The following NRF1 variants were observed in gnomAD, a reference collection of about 807,000 sequenced individuals.
NRF1 encodes nuclear respiratory factor 1.
NRF1 carries 5 observed loss-of-function variants against 58.5 expected under a neutral mutation model. The ratio of observed to expected loss-of-function variants is 0.09; its 90% confidence interval spans 0.04 to 0.18. The LOEUF (loss-of-function observed/expected upper bound fraction) is 0.18, where lower values mean the gene tolerates loss of function less well. NRF1 is among the 10% of genes least tolerant of loss of function. The probability of loss-of-function intolerance (pLI) is 1.00; values close to 1 mark genes in which losing one functional copy is unlikely to be tolerated. For missense variants in NRF1, 288 were observed against 657.7 expected, an observed-to-expected ratio of 0.44 and a Z score of 6.15; for synonymous variants, 224 against 246.7, an observed-to-expected ratio of 0.91 and a Z score of 0.86.
At chr7:129,641,943 T>G (rs1008421634) in intron 1 of NRF1, 11 of 152,208 alleles carry the variant, frequency 7.2e-5, no homozygotes, top group Admixed American at 4.6e-4. Flanking sequence ...CCTCCCAAAG[T>G]GCTGAGATTA....
chr7:129,621,781 A>ATTT (rs11286994), intron 1 of NRF1, among the ~76,000 whole-genome samples: 2 of 128,646 alleles, frequency 1.6e-5, no homozygotes, highest in Non-Finnish European at 3.3e-5. Flanking sequence ...TCTCCATAGA[A>ATTT]TTTTTTTTTT....
intron 4 of NRF1, among the ~76,000 whole-genome samples, chr7:129,684,497 C>T (rs1802401461): frequency 6.6e-6 from 1 of 152,074 alleles, no homozygotes; most frequent in African/African-American, 2.4e-5. Context: ...TAAACATATA[C>T]AAAATTGGAA....
chr7:129,648,713 A>G (rs965020724), intron 1 of NRF1, among the ~76,000 whole-genome samples: 3 of 152,000 alleles, frequency 2.0e-5, no homozygotes, highest in African/African-American at 7.2e-5. Flanking sequence ...CCATGTAAGG[A>G]TAGGATATTA....
intron 10 of NRF1, among the ~76,000 whole-genome samples, chr7:129,752,394 G>C (rs1033338057): frequency 2.0e-5 from 3 of 152,180 alleles, no homozygotes; most frequent in Non-Finnish European, 2.9e-5. Flanking sequence ...AGAGGACAGG[G>C]CACCTGTGAG....
At chr7:129,751,348 AAGG>A (rs1284253257) in intron 10 of NRF1, among the ~76,000 whole-genome samples, 1 of 152,258 alleles carries the variant, frequency 6.6e-6, no homozygotes, top group African/African-American at 2.4e-5. Context: ...AAGAACTGTG[AAGG>A]AGAACAGCAA....
At chr7:129,651,144 G>T (rs376702243) in intron 1 of NRF1, among the ~76,000 whole-genome samples, 3 of 151,924 alleles carry the variant, frequency 2.0e-5, no homozygotes, top group African/African-American at 4.8e-5. Flanking sequence ...TAGAGAGGCC[G>T]GGTGCGGTGG....
chr7:129,612,598 G>A (rs981395230), intron 1 of NRF1, among the ~76,000 whole-genome samples: 1 of 152,218 alleles, frequency 6.6e-6, no homozygotes, highest in Non-Finnish European at 1.5e-5. Flanking sequence ...CGGAGGGGCC[G>A]CGGTTCTTCC....
At chr7:129,747,789 G>C (rs547500845) in intron 10 of NRF1, among the ~76,000 whole-genome samples, 1 of 152,186 alleles carries the variant, frequency 6.6e-6, no homozygotes, top group Admixed American at 6.5e-5. Context: ...AGCACCATGA[G>C]AATGGTTGTG....
Position 129,741,377 on chromosome 7 carries a change from G to A in NRF1, c.1349-13641G>A, listed in dbSNP as rs756961629. On this transcript the variant is annotated intron_variant, in intron 10 of 10. Transcript: ENST00000393232. The surrounding 1 kb of genome is among the most constrained non-coding windows in gnomAD (Gnocchi z 4.0). ...TTCCCTTTAGGTCCGCAGATCTTTC[G>A]GAGTCTTTGTATGTAAAGGCAGATT... Among the ~76,000 whole-genome samples the A allele has an allele frequency of 2.6e-5, 4 of 152,076 alleles. No homozygotes were observed. Among genetic ancestry groups the A allele is most frequent in the South Asian group, 2.1e-4 (1 of 4,818 alleles).
At chr7:129,753,798 C>T (rs1387146642) in intron 10 of NRF1, among the ~76,000 whole-genome samples, 1 of 151,852 alleles carries the variant, frequency 6.6e-6, no homozygotes, top group African/African-American at 2.4e-5. Flanking sequence ...AATCAGGAAA[C>T]AAGTGACCTA....
intron 1 of NRF1, among the ~76,000 whole-genome samples, chr7:129,624,363 C>T (rs1235818246): frequency 6.6e-6 from 1 of 152,066 alleles, no homozygotes; most frequent in African/African-American, 2.4e-5. Flanking sequence ...TGTTCATTAC[C>T]AAGCACAGTG....
At position 129,749,824 on chromosome 7, in the gene NRF1, G is replaced by T. The variant is rs564234592; in HGVS notation, c.1349-5194G>T. 2.3e-4 allele frequency among the ~76,000 whole-genome samples: 34 copies of T among 146,254 alleles called. No individual in the cohort carries two copies. The South Asian group carries it at 7.0e-3, about 30-fold the overall frequency. ...CAGTCCTCCTTTGATCTGTGTTGAG[G>T]TTTTTTTTTTTAATAAAATTTTTAT... On this transcript the variant is annotated intron_variant, in intron 10 of 10. Coordinates refer to ENST00000393232, the MANE Select transcript of NRF1 (RefSeq NM_005011.5).
rs538027745 is a variant in NRF1 at position 129,703,373 on chromosome 7, C to T, written c.607-5702C>T. On this transcript the variant is annotated intron_variant, in intron 5 of 10. Transcript: ENST00000393232. ...TCCCTGTGTATTAAAGACAAACCTT[C>T]CTTAACAAGCACTTCAAGAAGCTCT... 1.3e-4 allele frequency among the ~76,000 whole-genome samples: 20 copies of T among 152,288 alleles called. No homozygotes were observed. The East Asian group carries it at 3.7e-3, about 28-fold the overall frequency.
intron 3 of NRF1, among the ~76,000 whole-genome samples, chr7:129,672,882 A>G (rs1319316820): frequency 6.6e-6 from 1 of 152,208 alleles, no homozygotes. Flanking sequence ...AGATATTATA[A>G]GCATATAGGT....
At chr7:129,622,216 A>G (rs186867369) in intron 1 of NRF1, among the ~76,000 whole-genome samples, 14 of 152,284 alleles carry the variant, frequency 9.2e-5, no homozygotes, top group Admixed American at 8.5e-4. Flanking sequence ...CTTAATGAAA[A>G]TGCATTAGCG....
rs769804181 is a variant in NRF1 at position 129,677,617 on chromosome 7, C to A, written c.339-15C>A. On this transcript the variant is annotated splice_polypyrimidine_tract_variant and intron_variant, in intron 3 of 10. Transcript: ENST00000393232. ...TTTTTAAAACTTTTTATTCTTGTTT[C>A]CTTTTCTGATTCAGGAAACTTCGAG... The A allele has an allele frequency of 6.2e-7, 1 of 1,612,466 alleles. No individual in the cohort carries two copies. Among genetic ancestry groups the A allele is most frequent in the Admixed American group, 1.7e-5 (1 of 59,584 alleles).
At chr7:129,645,409 C>T (rs1801382865) in intron 1 of NRF1, among the ~76,000 whole-genome samples, 1 of 152,132 alleles carries the variant, frequency 6.6e-6, no homozygotes, top group African/African-American at 2.4e-5. Context: ...GGAGAGGAGA[C>T]TCTCCAGACA....
intron 5 of NRF1, among the ~76,000 whole-genome samples, chr7:129,696,081 A>AC: frequency 6.9e-6 from 1 of 144,852 alleles, no homozygotes. Context: ...AAAAAAAAAA[A>AC]AAAAACAACC....
intron 5 of NRF1, among the ~76,000 whole-genome samples, chr7:129,705,002 T>G (rs1325029496): frequency 6.6e-6 from 1 of 152,350 alleles, no homozygotes; most frequent in South Asian, 2.1e-4. Flanking sequence ...CAGCTTTTTC[T>G]TATTATAAAA....
Sources: gnomAD v4.1 joint callset for allele counts (sites outside exome capture counted in the v4.1 genomes callset) on GRCh38, gnomAD v4.1.1 for gene constraint, Gnocchi (gnomAD v3.1) non-coding constraint, MANE v1.5 for transcripts, NCBI Gene and HGNC (gene_info 2026-07-23, HGNC 2026-07-21) for gene names.